Variants in ABCA13 observed in about 807,000 individuals in gnomAD.
ABCA13 encodes the protein ATP binding cassette subfamily A member 13.
In ABCA13, 476 loss-of-function variants were observed where a neutral mutation model predicts 478.7. That is an observed-to-expected ratio of 0.99 (90% CI 0.92 to 1.07). The LOEUF is 1.07. Ranked by LOEUF, ABCA13 falls within the 50% of genes least tolerant of loss-of-function variation. The pLI is 0.00. For synonymous variants in ABCA13, 2,252 were observed against 2,158.9 expected (o/e 1.04, Z -1.20); for missense variants, 6,060 against 5,910.6 (o/e 1.03, Z -0.83).
chr7:48,241,590 C>CT (rs1417870606), intron 10 of ABCA13, among the ~76,000 whole-genome samples: 1 of 152,176 alleles, frequency 6.6e-6, no homozygotes, highest in East Asian at 1.9e-4. Context: ...CCGACTAGAT[C>CT]TTTTTCCTTA....
At chr7:48,607,796 G>A (rs1303856077) in intron 58 of ABCA13, among the ~76,000 whole-genome samples, 2 of 152,120 alleles carry the variant, frequency 1.3e-5, no homozygotes, top group South Asian at 2.1e-4. Context: ...TGTTTATTTT[G>A]TGTTTGTGTC....
chr7:48,643,188 ATTAC>A, intron 59 of ABCA13, 96 bp from the exon 60 acceptor site: 1 of 728,202 alleles, frequency 1.4e-6, no homozygotes, highest in Non-Finnish European at 2.3e-6. Context: ...ATTTGGAGTA[ATTAC>A]TTCCTTTTTC....
chr7:48,482,569 A>G (rs1033731517), intron 46 of ABCA13, among the ~76,000 whole-genome samples: 1 of 151,924 alleles, frequency 6.6e-6, no homozygotes, highest in East Asian at 1.9e-4. Context: ...TTTTTACAAA[A>G]TACAGAAAAA....
intron 57 of ABCA13, among the ~76,000 whole-genome samples, chr7:48,593,667 A>AT (rs139806164): frequency 4.1e-4 from 57 of 139,406 alleles, no homozygotes; most frequent in South Asian, 2.0e-3. Flanking sequence ...CCCCTTTAGC[A>AT]TTTTTTTTTT....
chr7:48,402,215 G>A (rs1014077987), intron 38 of ABCA13, among the ~76,000 whole-genome samples: 2 of 152,106 alleles, frequency 1.3e-5, no homozygotes, highest in Non-Finnish European at 2.9e-5. Flanking sequence ...AGAAGGAGGG[G>A]TTTGGGGTTG....
intron 1 of ABCA13, among the ~76,000 whole-genome samples, chr7:48,171,960 C>T (rs1231265145): frequency 1.3e-5 from 2 of 152,216 alleles, no homozygotes; most frequent in African/African-American, 4.8e-5. Flanking sequence ...AAGCACAAGA[C>T]TGCACAGTGT....
intron 50 of ABCA13, 24 bp from the exon 51 acceptor site, chr7:48,511,060 C>T (rs1170157752): frequency 3.2e-6 from 5 of 1,570,246 alleles, no homozygotes; most frequent in East Asian, 2.2e-5. Context: ...AACAGCTCTC[C>T]CTTATTTCTT....
chr7:48,361,762 A>T (rs969335918), intron 31 of ABCA13, among the ~76,000 whole-genome samples: 9 of 151,800 alleles, frequency 5.9e-5, no homozygotes, highest in Non-Finnish European at 1.3e-4. Context: ...CATGCAGTAC[A>T]GGTTTCTATT....
At chr7:48,341,811 T>C (rs1164199869) in intron 29 of ABCA13, among the ~76,000 whole-genome samples, 1 of 75,216 alleles carries the variant, frequency 1.3e-5, no homozygotes, top group East Asian at 3.7e-4. Context: ...TTTTCTTTTC[T>C]GATATATATA....
chr7:48,339,354 A>G (rs1336958456), intron 29 of ABCA13, among the ~76,000 whole-genome samples: 2 of 152,188 alleles, frequency 1.3e-5, no homozygotes, highest in Non-Finnish European at 2.9e-5. Flanking sequence ...AATTTTTTCA[A>G]TTAATTAAAA....
In ABCA13 at chr7:48,275,413, CTG is replaced by C. The variant is rs780573871; in HGVS notation, c.5750_5751del (p.Val1917AlafsTer6). ...CATGTTAACATTTCTCTTGTGAAAA[CTG>C]TGCAGAAATTTTGGCATAAGATATT... On this transcript the variant is annotated frameshift_variant, in exon 17 of 62. Transcript: ENST00000435803. LOFTEE classifies it high-confidence loss of function. 9.9e-6 allele frequency: 16 copies of C among 1,613,808 alleles called. No individual in the cohort carries two copies. In the Admixed American group the frequency reaches 1.5e-4, roughly 15 times the overall value.
chr7:48,246,048 T>C lies in ABCA13; in HGVS notation c.1659+18T>C. 1 of 1,607,916 alleles carries C rather than the reference T, an allele frequency of 6.2e-7. No homozygotes were observed. Among genetic ancestry groups the C allele is most frequent in the Non-Finnish European group, 8.5e-7 (1 of 1,176,718 alleles). On this transcript the variant is annotated intron_variant, in intron 13 of 61. Transcript: ENST00000435803. Reference sequence around the variant, plus strand: ...AGGATGCTGTAAGTATTCTACCATCTTAGCTCTTCTAAGGGCACAAATTTA... The same window carrying C: ...AGGATGCTGTAAGTATTCTACCATCCTAGCTCTTCTAAGGGCACAAATTTA...
chr7:48,567,462 A>G (rs77996830), intron 55 of ABCA13, among the ~76,000 whole-genome samples: 2,596 of 152,102 alleles, frequency 0.017, 81 homozygotes, highest in African/African-American at 0.059. Context: ...GCTCATTGAG[A>G]TTGGGGAGTA....
At chr7:48,219,323 G>A (rs775047850) in intron 3 of ABCA13, 31 bp from the exon 4 acceptor site, 5 of 1,569,550 alleles carry the variant, frequency 3.2e-6, no homozygotes, top group African/African-American at 1.4e-5. Context: ...TTGTTAAAGA[G>A]TTTCACTTGC....
At chr7:48,516,480 G>T (rs1017896321) in intron 51 of ABCA13, among the ~76,000 whole-genome samples, 1 of 152,026 alleles carries the variant, frequency 6.6e-6, no homozygotes, top group Non-Finnish European at 1.5e-5. Flanking sequence ...GAGTAGGCAC[G>T]CTGGCATATT....
At chr7:48,289,850 A>T (rs1798263945) in intron 20 of ABCA13, among the ~76,000 whole-genome samples, 1 of 152,178 alleles carries the variant, frequency 6.6e-6, no homozygotes, top group Non-Finnish European at 1.5e-5. Flanking sequence ...TAATGACAAA[A>T]ATAGTATGTT....
intron 45 of ABCA13, among the ~76,000 whole-genome samples, chr7:48,480,473 G>A (rs540714180): frequency 4.6e-5 from 7 of 151,756 alleles, no homozygotes; most frequent in African/African-American, 1.7e-4. Flanking sequence ...CTCTAAAGCC[G>A]GTCTGTGGCA....
chr7:48,551,495 G>C (rs1007870580), intron 55 of ABCA13, among the ~76,000 whole-genome samples: 2 of 151,652 alleles, frequency 1.3e-5, no homozygotes, highest in Non-Finnish European at 2.9e-5. Context: ...TAAATCTAAG[G>C]ATTATTAGAT....
chr7:48,259,243 T>G (rs1336456042), intron 15 of ABCA13, among the ~76,000 whole-genome samples: 1 of 152,182 alleles, frequency 6.6e-6, no homozygotes, highest in East Asian at 1.9e-4. Flanking sequence ...GTAAGTTTCA[T>G]TGTAGGTCTC....
Sources: allele counts gnomAD v4.1 joint callset (sites outside exome capture counted in the v4.1 genomes callset), GRCh38; gene constraint gnomAD v4.1.1; transcripts MANE v1.5; gene names NCBI Gene and HGNC (gene_info 2026-07-23, HGNC 2026-07-21).